The following KCNJ6 variants were observed in gnomAD, a reference collection of about 807,000 sequenced individuals.
The protein encoded by KCNJ6 is G protein-activated inward rectifier potassium channel 2.
A neutral mutation model predicts 34.2 loss-of-function variants in KCNJ6; 9 were observed. The observed-to-expected ratio is 0.26, with a 90% CI of 0.16 to 0.46. The LOEUF is 0.46. KCNJ6 is among the 20% of genes least tolerant of loss of function. The pLI, the probability that KCNJ6 is intolerant of heterozygous loss-of-function variation, is 1.00. For synonymous variants in KCNJ6, 196 were observed against 207.1 expected, an observed-to-expected ratio of 0.95 and a Z score of 0.46; for missense variants, 236 against 531.3, an observed-to-expected ratio of 0.44 and a Z score of 5.46.
chr21:37,634,188 G>C (rs1437157121), intron 3 of KCNJ6, among the ~76,000 whole-genome samples: 2 of 152,208 alleles, frequency 1.3e-5, no homozygotes, highest in African/African-American at 4.8e-5. Context: ...CCTGATGGAA[G>C]GTGTTTGGGT....
Position 37,710,580 on chromosome 21 carries a change from G to A in KCNJ6, c.946+3631C>T, listed in dbSNP as rs191496770. On this transcript the variant is annotated intron_variant, in intron 3 of 3. Transcript: ENST00000609713. ...GAGGAGTGGGCAAGTGCTGCCTGTC[G>A]CAGTTGTATAATCGCTGGGGGTAAA... Among the ~76,000 whole-genome samples, 598 of 152,298 alleles carry A rather than the reference G, an allele frequency of 3.9e-3. 2 individuals are homozygous for A. Among genetic ancestry groups the A allele is most frequent in the African/African-American group, 0.013 (558 of 41,560 alleles).
At position 37,662,972 on chromosome 21, in the gene KCNJ6, A is replaced by T. The variant is rs942556363; in HGVS notation, c.947-37488T>A. Among the ~76,000 whole-genome samples, 77 of 152,118 alleles carry T rather than the reference A, an allele frequency of 5.1e-4. 1 individual carries two copies. The highest frequency in any genetic ancestry group is 1.7e-3 in the African/African-American group (72 of 41,434). On this transcript the variant is annotated intron_variant, in intron 3 of 3. Transcript: ENST00000609713. Reference sequence around the variant, plus strand: ...TTAATGAGGTGGTTTGTTTTTGATAAGATTTTTAATATTTTAAATTTTGTA... The same window carrying T: ...TTAATGAGGTGGTTTGTTTTTGATATGATTTTTAATATTTTAAATTTTGTA...
intron 3 of KCNJ6, among the ~76,000 whole-genome samples, chr21:37,676,386 T>C (rs2054564896): frequency 6.6e-6 from 1 of 152,164 alleles, no homozygotes; most frequent in African/African-American, 2.4e-5. Context: ...GCCCTGCACT[T>C]TGCTCACCAC....
At chr21:37,898,001 A>G (rs1473401237) in intron 1 of KCNJ6, among the ~76,000 whole-genome samples, 3 of 152,218 alleles carry the variant, frequency 2.0e-5, no homozygotes, top group African/African-American at 7.2e-5. Context: ...ACTGTTATTC[A>G]AGTGAACCTT....
At chr21:37,811,513 C>T (rs1025547453) in intron 2 of KCNJ6, among the ~76,000 whole-genome samples, 17 of 152,084 alleles carry the variant, frequency 1.1e-4, no homozygotes, top group African/African-American at 4.1e-4. Context: ...CATTAAATTG[C>T]AGGATGCTGA....
chr21:37,845,336 A>T (rs7280632), intron 1 of KCNJ6, among the ~76,000 whole-genome samples: 70,088 of 151,998 alleles, frequency 0.46, 16,385 homozygotes, highest in East Asian at 0.67. Context: ...TGGCCTGAAA[A>T]TTTTTTGTTC....
chr21:37,725,158 T>C (rs531519012), intron 2 of KCNJ6, among the ~76,000 whole-genome samples: 71 of 152,218 alleles, frequency 4.7e-4, no homozygotes, highest in African/African-American at 1.6e-3. Context: ...GAGTTTCTGA[T>C]AGAAGGAATA....
chr21:37,896,381 C>G (rs2836042), intron 1 of KCNJ6, among the ~76,000 whole-genome samples: 1 of 152,076 alleles, frequency 6.6e-6, no homozygotes, highest in Non-Finnish European at 1.5e-5. Context: ...TGAAGCCCTT[C>G]GTAGGGTGCC....
intron 2 of KCNJ6, among the ~76,000 whole-genome samples, chr21:37,803,399 G>A (rs1297239705): frequency 2.0e-5 from 3 of 152,182 alleles, no homozygotes; most frequent in Admixed American, 6.5e-5. Context: ...AATCCACCAC[G>A]GAAATAAGTC....
chr21:37,743,865 T>G (rs1307151020), intron 2 of KCNJ6, among the ~76,000 whole-genome samples: 1 of 152,012 alleles, frequency 6.6e-6, no homozygotes, highest in East Asian at 1.9e-4. Context: ...GATTACTTTT[T>G]AATATGGTCA....
At chr21:37,625,547 C>T in intron 3 of KCNJ6, 63 bp from the exon 4 acceptor site, 1 of 1,255,720 alleles carries the variant, frequency 8.0e-7, no homozygotes, top group East Asian at 2.3e-5. Flanking sequence ...GCCAAGGAGT[C>T]ACAGAGAGCC....
At chr21:37,733,345 G>A (rs2054895896) in intron 2 of KCNJ6, among the ~76,000 whole-genome samples, 2 of 152,168 alleles carry the variant, frequency 1.3e-5, no homozygotes, top group African/African-American at 4.8e-5. Context: ...GGGGTCTTTT[G>A]AAGAGGAGTC....
intron 1 of KCNJ6, among the ~76,000 whole-genome samples, chr21:37,864,807 C>T (rs1434626315): frequency 6.6e-6 from 1 of 151,576 alleles, no homozygotes; most frequent in Non-Finnish European, 1.5e-5. Flanking sequence ...CCAAGGCATG[C>T]TTTAGGGGTC....
At chr21:37,762,435 G>A (rs887377123) in intron 2 of KCNJ6, among the ~76,000 whole-genome samples, 1 of 152,192 alleles carries the variant, frequency 6.6e-6, no homozygotes, top group Non-Finnish European at 1.5e-5. Context: ...GTGGTCCACA[G>A]GTCTTGAGGC....
intron 3 of KCNJ6, among the ~76,000 whole-genome samples, chr21:37,639,261 G>C (rs963132884): frequency 1.6e-4 from 24 of 152,192 alleles, no homozygotes; most frequent in African/African-American, 5.8e-4. Context: ...AGTCTTCCTT[G>C]TATGATCTCA....
intron 2 of KCNJ6, among the ~76,000 whole-genome samples, chr21:37,718,933 C>T (rs2123456329): frequency 6.6e-6 from 1 of 152,290 alleles, no homozygotes; most frequent in East Asian, 1.9e-4. Flanking sequence ...GTGGGTCCCT[C>T]CCAGGTGAGG....
At chr21:37,856,133 G>A (rs2055564168) in intron 1 of KCNJ6, among the ~76,000 whole-genome samples, 1 of 152,188 alleles carries the variant, frequency 6.6e-6, no homozygotes, top group Non-Finnish European at 1.5e-5. Flanking sequence ...TGGGGAAGGG[G>A]AGGGAAGAGG....
intron 1 of KCNJ6, among the ~76,000 whole-genome samples, chr21:37,914,668 C>G (rs2055884535): frequency 6.6e-6 from 1 of 152,190 alleles, no homozygotes; most frequent in South Asian, 2.1e-4. Context: ...GCAAAATGGG[C>G]GAAGCTCAGT....
chr21:37,809,941 C>G (rs1157004640), intron 2 of KCNJ6, among the ~76,000 whole-genome samples: 1 of 152,256 alleles, frequency 6.6e-6, no homozygotes. Context: ...CAACCCACCA[C>G]CCCTGTCACT....
Sources: allele counts gnomAD v4.1 joint callset (sites outside exome capture counted in the v4.1 genomes callset), GRCh38; gene constraint gnomAD v4.1.1; transcripts MANE v1.5; gene names NCBI Gene and HGNC (gene_info 2026-07-23, HGNC 2026-07-21).